Variants in GCH1 observed in about 807,000 individuals in gnomAD.
The protein encoded by GCH1 is GTP cyclohydrolase I.
GCH1 carries 5 observed loss-of-function variants against 25.9 expected under a neutral mutation model. That is an observed-to-expected ratio of 0.19 (90% CI 0.10 to 0.41). GCH1 has a LOEUF of 0.41. Ranked by LOEUF, GCH1 falls within the 10% of genes least tolerant of loss-of-function variation. The pLI is 1.00. For missense variants in GCH1, 261 were observed against 336.5 expected (o/e 0.78, Z 1.75); for synonymous variants, 159 against 129.6 (o/e 1.23, Z -1.54).
intron 2 of GCH1, among the ~76,000 whole-genome samples, chr14:54,863,848 GTTGTTTGT>G (rs111635456): frequency 3.3e-5 from 5 of 151,396 alleles, no homozygotes; most frequent in Non-Finnish European, 5.9e-5. Context: ...GGGTTTCGTT[GTTGTTTGT>G]TTGTTTGTTT....
chr14:54,865,054 A>AAG (rs113113905), intron 2 of GCH1, among the ~76,000 whole-genome samples: 1 of 149,022 alleles, frequency 6.7e-6, no homozygotes, highest in African/African-American at 2.6e-5. Flanking sequence ...AAAAAAAAAA[A>AAG]AGAGAGAGAG....
At chr14:54,854,238 C>G (rs2039775844) in intron 3 of GCH1, among the ~76,000 whole-genome samples, 1 of 152,184 alleles carries the variant, frequency 6.6e-6, no homozygotes, top group South Asian at 2.1e-4. Context: ...CCAATCCACA[C>G]TTTAGAAAGA....
chr14:54,874,518 A>G (rs2040129464), intron 1 of GCH1, among the ~76,000 whole-genome samples: 1 of 152,188 alleles, frequency 6.6e-6, no homozygotes, highest in South Asian at 2.1e-4. Flanking sequence ...GAAAGAAATA[A>G]AGGGTATTCA....
intron 3 of GCH1, among the ~76,000 whole-genome samples, chr14:54,848,321 G>C (rs1231159914): frequency 1.3e-5 from 2 of 151,994 alleles, no homozygotes; most frequent in Admixed American, 6.6e-5. Context: ...ATTTTTAGTA[G>C]AGACAGGGTT....
intron 1 of GCH1, among the ~76,000 whole-genome samples, chr14:54,889,714 G>C (rs552902613): frequency 3.9e-5 from 6 of 152,218 alleles, no homozygotes; most frequent in Non-Finnish European, 5.9e-5. Flanking sequence ...TAAATTACAG[G>C]AGGAGGGCAG....
chr14:54,899,510 G>T (rs1189305062), intron 1 of GCH1, among the ~76,000 whole-genome samples: 1 of 152,026 alleles, frequency 6.6e-6, no homozygotes, highest in African/African-American at 2.4e-5. Flanking sequence ...CCGCTCCATG[G>T]ACTTTTCTTT....
chr14:54,886,993 T>A (rs1054470178), intron 1 of GCH1, among the ~76,000 whole-genome samples: 14 of 152,236 alleles, frequency 9.2e-5, no homozygotes, highest in Non-Finnish European at 1.3e-4. Context: ...AGTGGCCTAA[T>A]GCCCAGAGAC....
intron 2 of GCH1, among the ~76,000 whole-genome samples, chr14:54,861,863 C>T (rs2039901921): frequency 6.6e-6 from 1 of 152,164 alleles, no homozygotes; most frequent in African/African-American, 2.4e-5. Flanking sequence ...GATCTGGCTG[C>T]AGCCAAGCCA....
intron 4 of GCH1, 100 bp from the exon 5 acceptor site, chr14:54,845,952 G>T (rs1444652165): frequency 8.9e-6 from 7 of 787,778 alleles, no homozygotes; most frequent in Non-Finnish European, 1.6e-5. Context: ...TCAGACTTCT[G>T]TGAGATTTAA....
chr14:54,863,634 A>T (rs1402884317), intron 2 of GCH1, among the ~76,000 whole-genome samples: 3 of 152,086 alleles, frequency 2.0e-5, no homozygotes, highest in African/African-American at 7.2e-5. Context: ...CAATGACATC[A>T]ATGAATCCGA....
At chr14:54,891,071 A>T (rs927995288) in intron 1 of GCH1, among the ~76,000 whole-genome samples, 1 of 151,980 alleles carries the variant, frequency 6.6e-6, no homozygotes, top group Non-Finnish European at 1.5e-5. Flanking sequence ...ACTAAATGAA[A>T]AACTCCAGAA....
chr14:54,872,237 C>T (rs909841455), intron 1 of GCH1, among the ~76,000 whole-genome samples: 2 of 151,980 alleles, frequency 1.3e-5, no homozygotes, highest in Non-Finnish European at 2.9e-5. Context: ...ATTTCATATC[C>T]AGCCAAACTA....
At chr14:54,894,316 G>A (rs558458599) in intron 1 of GCH1, among the ~76,000 whole-genome samples, 7 of 152,102 alleles carry the variant, frequency 4.6e-5, no homozygotes, top group African/African-American at 9.7e-5. Context: ...CAGAGGCAGC[G>A]ACTGGAGTGA....
In GCH1 at chr14:54,853,775, T is replaced by TA. The variant is rs1300508863; in HGVS notation, c.509+5905dup. 3.3e-5 allele frequency among the ~76,000 whole-genome samples: 5 copies of TA among 152,330 alleles called. No individual in the cohort carries two copies. The East Asian group carries it at 7.7e-4, about 23-fold the overall frequency. On this transcript the variant is annotated intron_variant, in intron 3 of 5. Coordinates refer to ENST00000491895, the MANE Select transcript of GCH1 (RefSeq NM_000161.3). ...TAATGCTAGGCTTATCAGGCTTTGT[T>TA]ATCAAGAATAGGCAGCTTCATCAAA...
chr14:54,886,771 C>G (rs952372631), intron 1 of GCH1, among the ~76,000 whole-genome samples: 3 of 152,122 alleles, frequency 2.0e-5, no homozygotes, highest in African/African-American at 7.2e-5. Context: ...AGACCAGAGC[C>G]TTAATCTTGG....
At chr14:54,894,694 C>T (rs1245954303) in intron 1 of GCH1, among the ~76,000 whole-genome samples, 1 of 152,134 alleles carries the variant, frequency 6.6e-6, no homozygotes, top group African/African-American at 2.4e-5. Flanking sequence ...AACTTCTTAA[C>T]TGTTTTATTC....
chr14:54,857,053 C>A (rs557468414), intron 3 of GCH1, among the ~76,000 whole-genome samples: 28 of 152,312 alleles, frequency 1.8e-4, no homozygotes, highest in South Asian at 1.0e-3. Context: ...TCTAAATATT[C>A]TTACTTCTTA....
At chr14:54,856,813 AAAG>A (rs1475975239) in intron 3 of GCH1, among the ~76,000 whole-genome samples, 1 of 152,218 alleles carries the variant, frequency 6.6e-6, no homozygotes, top group African/African-American at 2.4e-5. Context: ...TTCAGCAACA[AAAG>A]AAAGTTCTAT....
chr14:54,895,562 G>A (rs1405082960), intron 1 of GCH1, among the ~76,000 whole-genome samples: 1 of 152,208 alleles, frequency 6.6e-6, no homozygotes, highest in African/African-American at 2.4e-5. Flanking sequence ...AAGGCCCTCA[G>A]AGAATAGCAG....
Sources: allele counts gnomAD v4.1 joint callset (sites outside exome capture counted in the v4.1 genomes callset), GRCh38; gene constraint gnomAD v4.1.1; transcripts MANE v1.5; gene names NCBI Gene and HGNC (gene_info 2026-07-23, HGNC 2026-07-21).